Variants in CHI3L2 observed in about 807,000 individuals in gnomAD.
CHI3L2 encodes the protein chitinase 3 like 2.
A neutral mutation model predicts 47.3 loss-of-function variants in CHI3L2; 47 were observed. The observed-to-expected ratio is 0.99, with a 90% confidence interval of 0.79 to 1.27. The LOEUF (loss-of-function observed/expected upper bound fraction) is 1.27, where lower values mean the gene tolerates loss of function less well. CHI3L2 is among the 50% of genes most tolerant of loss of function. The pLI is 0.00. For synonymous variants in CHI3L2, 198 were observed against 169.9 expected (o/e 1.17, Z -1.28); for missense variants, 497 against 462.1 (o/e 1.08, Z -0.69).
intron 2 of CHI3L2, among the ~76,000 whole-genome samples, chr1:111,230,313 G>T (rs1009326271): frequency 6.6e-6 from 1 of 151,968 alleles, no homozygotes; most frequent in Admixed American, 6.6e-5. Context: ...TAGTGCAGTG[G>T]TGTGACCATG....
intron 9 of CHI3L2, 113 bp from the exon 10 acceptor site, chr1:111,242,114 C>T: frequency 1.5e-6 from 2 of 1,358,308 alleles, no homozygotes; most frequent in Non-Finnish European, 1.0e-6. Flanking sequence ...TCCAGAAAAC[C>T]AGTTAGTCTA....
intron 7 of CHI3L2, among the ~76,000 whole-genome samples, chr1:111,236,653 GT>G (rs1302268264): frequency 2.9e-4 from 10 of 34,692 alleles, no homozygotes; most frequent in African/African-American, 4.4e-4. Context: ...GAAATGAAAA[GT>G]AAAAAAAAAA....
intron 6 of CHI3L2, 67 bp from the exon 7 acceptor site, chr1:111,235,957 C>A: frequency 6.3e-7 from 1 of 1,592,378 alleles, no homozygotes; most frequent in Non-Finnish European, 8.6e-7. Flanking sequence ...AAAGCCAAAA[C>A]AATTACTTAC....
intron 7 of CHI3L2, among the ~76,000 whole-genome samples, chr1:111,236,527 C>A (rs954771801): frequency 4.7e-4 from 72 of 152,224 alleles, no homozygotes; most frequent in Admixed American, 6.5e-4. Context: ...TTTAAAAAAA[C>A]CCCATGAGGT....
chr1:111,229,607 G>A (rs1413957400), intron 1 of CHI3L2: 7 of 397,054 alleles, frequency 1.8e-5, no homozygotes, highest in African/African-American at 1.4e-4. Context: ...GCGTGAACCC[G>A]GGAGGCGGAG....
chr1:111,238,790 C>A lies in CHI3L2; in HGVS notation c.776C>A (p.Ser259Ter). ...TACTGGATACATAAGGGAATGCCAT[C>A]AGAGAAGGTGGTCATGGGCATCCCC... ...VGYWIHKGMP[S>*]EKVVMGIPTY... Residue 259 changes from serine to a stop codon, truncating the protein, a stop_gained, in exon 8 of 11, where the codon TCA becomes TAA. Transcript: ENST00000369748. LOFTEE classifies it high-confidence loss of function. 1 of 1,613,960 alleles carries A rather than the reference C, an allele frequency of 6.2e-7. No individual in the cohort carries two copies. The highest frequency in any genetic ancestry group is 8.5e-7 in the Non-Finnish European group (1 of 1,179,914).
chr1:111,235,512 G>T, intron 5 of CHI3L2, 127 bp from the exon 6 acceptor site: 1 of 1,077,398 alleles, frequency 9.3e-7, no homozygotes, highest in Non-Finnish European at 1.3e-6. Context: ...CCCATGTGGG[G>T]TGGGGAGGAA....
chr1:111,242,519 T>C (rs982967257), intron 10 of CHI3L2, 153 bp downstream of exon 10: 1 of 698,508 alleles, frequency 1.4e-6, no homozygotes, highest in Admixed American at 3.5e-5. Flanking sequence ...AGGCTGGTTC[T>C]GCCCTTTTCA....
chr1:111,231,632 T>A lies in CHI3L2; in HGVS notation c.329+338T>A, dbSNP rs562773869. 1.2e-4 allele frequency among the ~76,000 whole-genome samples: 18 copies of A among 152,384 alleles called. No individual in the cohort carries two copies. In the East Asian group the frequency reaches 1.7e-3, roughly 15 times the overall value. On this transcript the variant is annotated intron_variant, in intron 4 of 10. Coordinates refer to ENST00000369748, the MANE Select transcript of CHI3L2 (RefSeq NM_004000.3). Reference sequence around the variant, plus strand: ...TTTTAATTGGAAAGTGCAATTTTTTTAAAAATCACTTGAGGGTTTGACTTT... The same window carrying A: ...TTTTAATTGGAAAGTGCAATTTTTTAAAAAATCACTTGAGGGTTTGACTTT...
intron 5 of CHI3L2, among the ~76,000 whole-genome samples, 156 bp downstream of exon 5, chr1:111,235,213 C>T (rs1183850675): frequency 6.6e-6 from 1 of 152,128 alleles, no homozygotes; most frequent in Non-Finnish European, 1.5e-5. Flanking sequence ...AGAGAAAAGC[C>T]CTGATTCCTA....
intron 4 of CHI3L2, among the ~76,000 whole-genome samples, chr1:111,233,234 C>T (rs533350872): frequency 1.3e-5 from 2 of 152,172 alleles, no homozygotes; most frequent in South Asian, 2.1e-4. Context: ...TCAGAAATCC[C>T]GGGGGTGGGG....
In CHI3L2 at chr1:111,236,141, C is replaced by T; in HGVS notation, c.723C>T (p.Ser241=). 2 of 1,614,164 alleles carry T rather than the reference C, an allele frequency of 1.2e-6. No homozygotes were observed. The highest frequency in any genetic ancestry group is 8.5e-7 in the Non-Finnish European group (1 of 1,180,022). Residue 241 remains serine, a synonymous_variant, in exon 7 of 11, where the codon TCC becomes TCT. Coordinates refer to ENST00000369748, the MANE Select transcript of CHI3L2 (RefSeq NM_004000.3). ...SKGWQDRGPS[S]YYNVEYAVGY... is the part of the protein sequence containing the mutation. ...GGTGGCAGGACAGAGGGCCAAGCTC[C>T]TACTACAATGTGGTGAGTAGGCCAG...
At chr1:111,230,129 A>G (rs1428196270) in intron 2 of CHI3L2, among the ~76,000 whole-genome samples, 1 of 152,114 alleles carries the variant, frequency 6.6e-6, no homozygotes, top group African/African-American at 2.4e-5. Context: ...GTGAATACAA[A>G]CATACACAAT....
Position 111,236,067 on chromosome 1 carries a change from T to C in CHI3L2, c.649T>C (p.Ser217Pro). ...INLLSFDFHG[S>P]WEKPLITGHN... is the part of the protein sequence containing the mutation. The stretch of plus-strand genomic sequence containing the variant: ...CCTCCTGTCCTTTGACTTCCATGGG[T>C]CTTGGGAAAAGCCCCTTATCACTGG... The change falls in exon 7 of 11, where the codon TCT becomes CCT. Residue 217 changes from serine to proline, a missense_variant. By Grantham distance (74) the Ser-to-Pro change is moderately conservative. Coordinates refer to ENST00000369748, the MANE Select transcript of CHI3L2 (RefSeq NM_004000.3). 6.2e-7 allele frequency: 1 copy of C among 1,614,164 alleles called. No homozygotes were observed. Among genetic ancestry groups the C allele is most frequent in the Non-Finnish European group, 8.5e-7 (1 of 1,180,020 alleles).
chr1:111,230,009 A>G (rs1024273930), intron 2 of CHI3L2, 128 bp downstream of exon 2: 2 of 983,120 alleles, frequency 2.0e-6, no homozygotes, highest in Non-Finnish European at 3.1e-6. Flanking sequence ...CCACTGACAT[A>G]TTTATGACAC....
intron 4 of CHI3L2, among the ~76,000 whole-genome samples, chr1:111,232,523 T>C (rs914224387): frequency 2.0e-5 from 3 of 152,226 alleles, no homozygotes; most frequent in African/African-American, 7.2e-5. Flanking sequence ...GCCGCAGTTT[T>C]CTTTAACTAT....
intron 7 of CHI3L2, among the ~76,000 whole-genome samples, chr1:111,238,140 T>A (rs1020937053): frequency 2.0e-5 from 3 of 152,226 alleles, no homozygotes; most frequent in Admixed American, 2.0e-4. Context: ...CCAATGTACA[T>A]CTTACATGTA....
chr1:111,228,427 C>T (rs543505473), intron 1 of CHI3L2, among the ~76,000 whole-genome samples: 1 of 152,248 alleles, frequency 6.6e-6, no homozygotes, highest in Non-Finnish European at 1.5e-5. Context: ...GAAGCCCCCA[C>T]TTGGCAAGAG....
chr1:111,233,585 G>A (rs1043265321), intron 4 of CHI3L2, among the ~76,000 whole-genome samples: 7 of 152,156 alleles, frequency 4.6e-5, no homozygotes, highest in Admixed American at 2.0e-4. Context: ...TCAGCACCCC[G>A]CCCGGCCAGC....
Sources: allele counts gnomAD v4.1 joint callset (sites outside exome capture counted in the v4.1 genomes callset), GRCh38; gene constraint gnomAD v4.1.1; transcripts MANE v1.5; gene names NCBI Gene and HGNC (gene_info 2026-07-23, HGNC 2026-07-21).